The following OLFM3 variants were observed in gnomAD, a reference collection of about 807,000 sequenced individuals.
The protein encoded by OLFM3 is noelin-3.
In OLFM3, 20 loss-of-function variants were observed where a neutral mutation model predicts 48.6. The observed-to-expected ratio is 0.41, with a 90% CI of 0.29 to 0.60. OLFM3 has a LOEUF of 0.60. OLFM3 is among the 20% of genes least tolerant of loss of function. The pLI, the probability that OLFM3 is intolerant of heterozygous loss-of-function variation, is 0.28. For synonymous variants in OLFM3, 222 were observed against 198.1 expected, an observed-to-expected ratio of 1.12 and a Z score of -1.01; for missense variants, 437 against 544.3, an observed-to-expected ratio of 0.80 and a Z score of 1.96.
rs561698342 is a variant in OLFM3, at chr1:101,897,350, G to A, written c.70-60325C>T. On this transcript the variant is annotated intron_variant, in intron 1 of 5. Transcript: ENST00000370103. ...AAAATATTCTTTCTAAAACTTACTA[G>A]AATTCCGACAATTCTAGTATGTATA... Among the ~76,000 whole-genome samples the A allele has an allele frequency of 2.0e-4, 30 of 152,146 alleles. No individual in the cohort carries two copies. In the South Asian group the frequency reaches 6.0e-3, roughly 31 times the overall value.
At chr1:101,809,785 C>A (rs954908760) in intron 4 of OLFM3, among the ~76,000 whole-genome samples, 8 of 151,938 alleles carry the variant, frequency 5.3e-5, no homozygotes, top group African/African-American at 1.9e-4. Flanking sequence ...TTGAATTTAA[C>A]TCTGGTAATA....
intron 1 of OLFM3, among the ~76,000 whole-genome samples, chr1:101,871,051 TACTC>T (rs1195877092): frequency 2.0e-5 from 3 of 152,134 alleles, no homozygotes; most frequent in Non-Finnish European, 4.4e-5. Context: ...CTCTTGTACA[TACTC>T]AGTCACTGTG....
chr1:101,820,570 G>C lies in OLFM3; in HGVS notation c.592+4456C>G, dbSNP rs1478082734. 2.0e-5 allele frequency among the ~76,000 whole-genome samples: 3 copies of C among 152,200 alleles called. No homozygotes were observed. In the East Asian group the frequency reaches 5.8e-4, roughly 29 times the overall value. ...ACATTACTGTACCTCATTCAGGCCA[G>C]AGGTCCATCGCTGTTGAGAGATTTT... On this transcript the variant is annotated intron_variant, in intron 4 of 5. Transcript: ENST00000370103.
chr1:101,973,360 A>C (rs1450227296), intron 1 of OLFM3, among the ~76,000 whole-genome samples: 2 of 152,234 alleles, frequency 1.3e-5, no homozygotes, highest in East Asian at 3.8e-4. Flanking sequence ...AAGAGAGAGT[A>C]AATGCACCCT....
Position 101,895,132 on chromosome 1 carries a change from A to G in OLFM3, c.70-58107T>C, listed in dbSNP as rs147621695. Among the ~76,000 whole-genome samples, 359 of 152,208 alleles carry G rather than the reference A, an allele frequency of 2.4e-3. 2 individuals are homozygous for G. The highest frequency in any genetic ancestry group is 8.5e-3 in the African/African-American group (355 of 41,536). On this transcript the variant is annotated intron_variant, in intron 1 of 5. Coordinates refer to ENST00000370103, the MANE Select transcript of OLFM3 (RefSeq NM_058170.4). ...TATTTTTAAACCCTTTCTAAGAGTA[A>G]TTATGCCCTTGTACATGCTGTATAA...
intron 1 of OLFM3, among the ~76,000 whole-genome samples, chr1:101,941,410 AATAT>A (rs1659791936): frequency 6.6e-6 from 1 of 152,132 alleles, no homozygotes; most frequent in African/African-American, 2.4e-5. Context: ...GTCTCCTGGC[AATAT>A]GCCAGCAGAG....
At chr1:101,995,944 A>C (rs945731561) in intron 1 of OLFM3, among the ~76,000 whole-genome samples, 5 of 152,160 alleles carry the variant, frequency 3.3e-5, no homozygotes, top group African/African-American at 7.2e-5. Context: ...TGTCATCAAG[A>C]CTTTTCTCAG....
In OLFM3 at chr1:101,804,986, A is replaced by G. The variant is rs1653693692; in HGVS notation, c.700-71T>C. 1.7e-6 allele frequency: 2 copies of G among 1,178,560 alleles called. No individual in the cohort carries two copies. Among genetic ancestry groups the G allele is most frequent in the African/African-American group, 1.5e-5 (1 of 64,720 alleles). The allele number at this position is 1,178,560 out of a possible 1,614,324, so 73.0% of individuals were successfully genotyped here. On this transcript the variant is annotated intron_variant, in intron 5 of 5. Coordinates refer to ENST00000370103, the MANE Select transcript of OLFM3 (RefSeq NM_058170.4). This position sits in a 1 kb window ranked among gnomAD's most constrained non-coding sequence, Gnocchi z 4.5. ...TTTCTGATAACCCCAAAAGAAAGACAGTGAGAGTCAACACTTATTATAATT... is the reference window on the plus strand; with the variant it reads ...TTTCTGATAACCCCAAAAGAAAGACGGTGAGAGTCAACACTTATTATAATT...
intron 1 of OLFM3, among the ~76,000 whole-genome samples, chr1:101,990,961 G>C (rs1414310846): frequency 7.8e-6 from 1 of 127,898 alleles, no homozygotes; most frequent in Admixed American, 9.5e-5. Context: ...CTCCAGCCTG[G>C]GCGACAGAGC....
At chr1:101,996,617 T>C (rs1661566272) in intron 1 of OLFM3, 131 bp downstream of exon 1, 1 of 864,748 alleles carries the variant, frequency 1.2e-6, no homozygotes, top group Non-Finnish European at 1.9e-6. Context: ...GCAGTGGGGA[T>C]ACGCCAGACA....
intron 1 of OLFM3, among the ~76,000 whole-genome samples, chr1:101,850,153 A>G (rs199573092): frequency 4.1e-4 from 54 of 132,412 alleles, no homozygotes; most frequent in African/African-American, 1.4e-3. Flanking sequence ...ACCAAAATCT[A>G]TCACTAGTAA....
chr1:101,855,882 G>A (rs537585), intron 1 of OLFM3, among the ~76,000 whole-genome samples: 1 of 151,952 alleles, frequency 6.6e-6, no homozygotes, highest in Non-Finnish European at 1.5e-5. Context: ...TTGTGTGAAA[G>A]AACAAAATTG....
intron 5 of OLFM3, among the ~76,000 whole-genome samples, chr1:101,805,578 C>G (rs1228156529): frequency 6.6e-6 from 1 of 151,692 alleles, no homozygotes; most frequent in Non-Finnish European, 1.5e-5. Flanking sequence ...ATGAAAATAC[C>G]TCCCAGAAGT....
chr1:101,995,411 C>T (rs150709873), intron 1 of OLFM3, among the ~76,000 whole-genome samples: 39 of 152,196 alleles, frequency 2.6e-4, no homozygotes, highest in African/African-American at 9.1e-4. Flanking sequence ...TAAAGCTACA[C>T]CTTAGTATAT....
chr1:101,930,477 C>T (rs553612581), intron 1 of OLFM3, among the ~76,000 whole-genome samples: 3 of 152,230 alleles, frequency 2.0e-5, no homozygotes, highest in South Asian at 2.1e-4. Flanking sequence ...ACTTTTGGAG[C>T]TTTAGCTTCT....
At chr1:101,960,549 G>T (rs1660436737) in intron 1 of OLFM3, among the ~76,000 whole-genome samples, 1 of 152,166 alleles carries the variant, frequency 6.6e-6, no homozygotes, top group African/African-American at 2.4e-5. Context: ...GCTACCTAGT[G>T]TTACAGAAGA....
chr1:101,804,215 C>A lies in OLFM3; in HGVS notation c.*23G>T. 2 of 1,528,890 alleles carry A rather than the reference C, an allele frequency of 1.3e-6. No individual in the cohort carries two copies. Among genetic ancestry groups the A allele is most frequent in the Non-Finnish European group, 8.8e-7 (1 of 1,134,872 alleles). The allele number at this position is 1,528,890 out of a possible 1,614,324, so 94.7% of individuals were successfully genotyped here. A position where few individuals can be genotyped will look rare whatever the true frequency, so the allele number is the denominator to read the frequency against. The stretch of plus-strand genomic sequence containing the variant: ...TTATCACAAATCACACTGTTTAAAT[C>A]AATGAAAACATGTCACATTTGCCTA... On this transcript the variant is annotated 3_prime_UTR_variant, in exon 6 of 6. Transcript: ENST00000370103. The surrounding 1 kb of genome is among the most constrained non-coding windows in gnomAD (Gnocchi z 4.5).
intron 1 of OLFM3, among the ~76,000 whole-genome samples, chr1:101,858,848 A>G (rs1656532672): frequency 6.6e-6 from 1 of 152,064 alleles, no homozygotes; most frequent in South Asian, 2.1e-4. Context: ...TTCTTTATAA[A>G]TTACCCAGTC....
At chr1:101,895,377 C>A (rs1658157174) in intron 1 of OLFM3, among the ~76,000 whole-genome samples, 1 of 151,180 alleles carries the variant, frequency 6.6e-6, no homozygotes, top group Non-Finnish European at 1.5e-5. Flanking sequence ...TGACCTTAGA[C>A]TTATGTGCTA....
Sources: gnomAD v4.1 joint callset for allele counts (sites outside exome capture counted in the v4.1 genomes callset) on GRCh38, gnomAD v4.1.1 for gene constraint, Gnocchi (gnomAD v3.1) non-coding constraint, MANE v1.5 for transcripts, NCBI Gene and HGNC (gene_info 2026-07-23, HGNC 2026-07-21) for gene names.